The following VPS54 variants were observed in gnomAD, a reference collection of about 807,000 sequenced individuals.
VPS54 encodes vacuolar protein sorting-associated protein 54.
VPS54 carries 45 observed loss-of-function variants against 121.5 expected under a neutral mutation model. The ratio of observed to expected loss-of-function variants is 0.37; its 90% CI spans 0.29 to 0.47. The LOEUF (loss-of-function observed/expected upper bound fraction) is 0.47. VPS54 is among the 20% of genes least tolerant of loss of function. The pLI, the probability that VPS54 is intolerant of heterozygous loss-of-function variation, is 0.99. For synonymous variants in VPS54, 371 were observed against 385.8 expected, an observed-to-expected ratio of 0.96 and a Z score of 0.45; for missense variants, 1,090 against 1,131.4, an observed-to-expected ratio of 0.96 and a Z score of 0.52.
chr2:64,012,455 TAAA>T (rs11316408), intron 1 of VPS54, among the ~76,000 whole-genome samples: 19 of 111,558 alleles, frequency 1.7e-4, no homozygotes, highest in East Asian at 2.5e-4. Context: ...AGTAACTGTT[TAAA>T]AAAAAAAAAA....
intron 20 of VPS54, 60 bp downstream of exon 20, chr2:63,912,285 T>C: frequency 7.3e-7 from 1 of 1,369,784 alleles, no homozygotes; most frequent in Non-Finnish European, 1.0e-6. Context: ...AAGTACTCCT[T>C]ATAAAATAGA....
intron 8 of VPS54, among the ~76,000 whole-genome samples, chr2:63,948,549 C>A (rs1675096552): frequency 6.6e-6 from 1 of 151,112 alleles, no homozygotes; most frequent in Admixed American, 6.6e-5. Flanking sequence ...GGTGTGCATG[C>A]ACCACTACAC....
chr2:63,953,330 A>C (rs1675343907), intron 7 of VPS54, among the ~76,000 whole-genome samples: 1 of 151,732 alleles, frequency 6.6e-6, no homozygotes, highest in South Asian at 2.1e-4. Flanking sequence ...ACAGGGTTTC[A>C]CCATATTGGC....
intron 11 of VPS54, among the ~76,000 whole-genome samples, chr2:63,936,668 A>G (rs988724652): frequency 6.6e-6 from 1 of 152,198 alleles, no homozygotes; most frequent in African/African-American, 2.4e-5. Flanking sequence ...AGCCTAATCT[A>G]TAGGGTGCTA....
chr2:63,906,667 T>C (rs1389360021), intron 20 of VPS54, among the ~76,000 whole-genome samples: 1 of 152,154 alleles, frequency 6.6e-6, no homozygotes, highest in African/African-American at 2.4e-5. Context: ...GAATGTAGTA[T>C]TGGGAAGAGA....
Position 63,949,053 on chromosome 2 carries a change from C to A in VPS54, c.1121G>T (p.Cys374Phe). 1 of 1,611,026 alleles carries A rather than the reference C, an allele frequency of 6.2e-7. No homozygotes were observed. Among genetic ancestry groups the A allele is most frequent in the Non-Finnish European group, 8.5e-7 (1 of 1,179,008 alleles). Residue 374 changes from cysteine (C) to phenylalanine (F), a missense_variant, in exon 8 of 23, where the codon TGT becomes TTT. By Grantham distance (205) the Cys-to-Phe change is radical. Around this residue, in one of 2 missense-constraint regions of VPS54, gnomAD observed 801 missense variants for 757.0 expected, o/e 1.06. Coordinates refer to ENST00000272322, the MANE Select transcript of VPS54 (RefSeq NM_016516.3). ...AACACATACCTCTTCTAAAACTTGA[C>A]AGTCATCTTCCAGTGGTCTATTTAA... is the stretch of plus-strand genomic sequence containing the variant. ...SDLNRPLEDD[C>F]QVLEEERLIS...
At chr2:63,927,304 C>G (rs1322237180) in intron 12 of VPS54, among the ~76,000 whole-genome samples, 1 of 152,120 alleles carries the variant, frequency 6.6e-6, no homozygotes, top group East Asian at 1.9e-4. Context: ...GTGAAGCTTG[C>G]AAGGGAAGGA....
chr2:63,933,162 A>T (rs903425878), intron 12 of VPS54, among the ~76,000 whole-genome samples: 4 of 152,038 alleles, frequency 2.6e-5, no homozygotes, highest in African/African-American at 9.7e-5. Flanking sequence ...CTTTTCTGTA[A>T]ATTTGAAATT....
intron 7 of VPS54, among the ~76,000 whole-genome samples, chr2:63,954,045 C>A (rs569145056): frequency 6.6e-6 from 1 of 152,126 alleles, no homozygotes; most frequent in Non-Finnish European, 1.5e-5. Flanking sequence ...CTGTCCACTA[C>A]AAAAGCCTAG....
At chr2:63,999,652 T>C (rs976219822) in intron 1 of VPS54, among the ~76,000 whole-genome samples, 2 of 152,216 alleles carry the variant, frequency 1.3e-5, no homozygotes, top group Non-Finnish European at 2.9e-5. Flanking sequence ...AGAAGTTCTC[T>C]GTTATTATTC....
intron 7 of VPS54, among the ~76,000 whole-genome samples, chr2:63,958,651 G>A (rs1434474740): frequency 6.6e-6 from 1 of 152,108 alleles, no homozygotes; most frequent in Non-Finnish European, 1.5e-5. Flanking sequence ...GGAGTTCAAG[G>A]CTATAGTTGA....
intron 3 of VPS54, among the ~76,000 whole-genome samples, chr2:63,979,963 G>C (rs1393900595): frequency 6.6e-6 from 1 of 152,010 alleles, no homozygotes; most frequent in African/African-American, 2.4e-5. Context: ...ATGTTATATG[G>C]AGTGCTCTTT....
chr2:63,947,014 A>G (rs1559013096), intron 9 of VPS54, among the ~76,000 whole-genome samples: 1 of 151,960 alleles, frequency 6.6e-6, no homozygotes, highest in East Asian at 1.9e-4. Flanking sequence ...CTAAATATTC[A>G]ACACAGAGGA....
chr2:63,955,074 C>G (rs1675431757), intron 7 of VPS54, among the ~76,000 whole-genome samples: 1 of 151,800 alleles, frequency 6.6e-6, no homozygotes, highest in Non-Finnish European at 1.5e-5. Context: ...TTAAAAAATC[C>G]TTATCTTTCA....
chr2:63,957,435 C>T (rs1675553882), intron 7 of VPS54, among the ~76,000 whole-genome samples: 1 of 127,004 alleles, frequency 7.9e-6, no homozygotes, highest in African/African-American at 3.0e-5. Context: ...GAGCAAGACT[C>T]CATCTCAAAA....
intron 1 of VPS54, among the ~76,000 whole-genome samples, chr2:64,012,035 T>C (rs1678453410): frequency 6.6e-6 from 1 of 152,188 alleles, no homozygotes; most frequent in Non-Finnish European, 1.5e-5. Flanking sequence ...ATGATTACTA[T>C]AACCTCAAAC....
intron 20 of VPS54, among the ~76,000 whole-genome samples, chr2:63,906,219 T>C (rs1279157972): frequency 6.6e-6 from 1 of 152,134 alleles, no homozygotes; most frequent in Non-Finnish European, 1.5e-5. Flanking sequence ...GTATACAGAT[T>C]GAAAAAGATG....
chr2:63,996,720 G>A (rs1021197736), intron 1 of VPS54, among the ~76,000 whole-genome samples: 1 of 152,188 alleles, frequency 6.6e-6, no homozygotes, highest in African/African-American at 2.4e-5. Flanking sequence ...CGCTCTGGGA[G>A]TGTCTGCCTT....
chr2:63,920,319 G>A (rs1673584609), intron 14 of VPS54, 127 bp downstream of exon 14: 1 of 815,614 alleles, frequency 1.2e-6, no homozygotes, highest in African/African-American at 1.8e-5. Flanking sequence ...TCCACAATCT[G>A]CCTTTAATTA....
Sources: gnomAD v4.1 joint callset for allele counts (sites outside exome capture counted in the v4.1 genomes callset) on GRCh38, gnomAD v4.1.1 for gene constraint, gnomAD v4.1.1 regional missense constraint, MANE v1.5 for transcripts, NCBI Gene and HGNC (gene_info 2026-07-23, HGNC 2026-07-21) for gene names.